GPC5: variants seen among roughly 807,000 people sequenced by gnomAD.
The protein encoded by GPC5 is glypican-5.
A neutral mutation model predicts 53.9 loss-of-function variants in GPC5; 47 were observed. The ratio of observed to expected loss-of-function variants is 0.87; its 90% confidence interval spans 0.69 to 1.11. The LOEUF (loss-of-function observed/expected upper bound fraction) is 1.11. GPC5 is among the 50% of genes most tolerant of loss of function. The pLI is 0.00. For synonymous variants in GPC5, 286 were observed against 263.3 expected (o/e 1.09, Z -0.84); for missense variants, 748 against 713.1 (o/e 1.05, Z -0.56).
At chr13:92,081,909 A>G (rs1276812208) in intron 6 of GPC5, among the ~76,000 whole-genome samples, 1 of 152,186 alleles carries the variant, frequency 6.6e-6, no homozygotes, top group East Asian at 1.9e-4. Context: ...CATGAACATA[A>G]TAGTGTAAAA....
intron 2 of GPC5, among the ~76,000 whole-genome samples, chr13:91,473,612 T>G (rs1026313916): frequency 6.6e-6 from 1 of 152,134 alleles, no homozygotes; most frequent in African/African-American, 2.4e-5. Context: ...TTTATCTCCT[T>G]CTCAGGTGAT....
chr13:92,125,524 G>T (rs187163251), intron 6 of GPC5, among the ~76,000 whole-genome samples: 1 of 152,192 alleles, frequency 6.6e-6, no homozygotes, highest in African/African-American at 2.4e-5. Context: ...GATTTTATAG[G>T]ATCTACCAAT....
chr13:92,419,407 TG>T (rs1396584694), intron 7 of GPC5, among the ~76,000 whole-genome samples: 1 of 152,070 alleles, frequency 6.6e-6, no homozygotes, highest in East Asian at 1.9e-4. Flanking sequence ...CTTTGTAGAG[TG>T]GGAAAAGGTA....
intron 7 of GPC5, among the ~76,000 whole-genome samples, chr13:92,683,819 C>G (rs1313450747): frequency 6.6e-6 from 1 of 152,076 alleles, no homozygotes; most frequent in Non-Finnish European, 1.5e-5. Flanking sequence ...CTCTCTCACT[C>G]CACCCCCATT....
intron 7 of GPC5, among the ~76,000 whole-genome samples, chr13:92,813,989 A>T (rs1566429711): frequency 6.6e-6 from 1 of 152,018 alleles, no homozygotes; most frequent in Non-Finnish European, 1.5e-5. Context: ...ACTTTGTGAA[A>T]GAGACAGCCA....
At chr13:91,465,577 T>G (rs1882184438) in intron 2 of GPC5, among the ~76,000 whole-genome samples, 1 of 152,190 alleles carries the variant, frequency 6.6e-6, no homozygotes, top group South Asian at 2.1e-4. Context: ...GACTATAATA[T>G]AGTTTGAAAA....
At chr13:92,235,010 A>C (rs1310862997) in intron 7 of GPC5, among the ~76,000 whole-genome samples, 2 of 152,208 alleles carry the variant, frequency 1.3e-5, no homozygotes, top group Non-Finnish European at 2.9e-5. Flanking sequence ...TATATGAAAA[A>C]GTTTTAGGTC....
chr13:92,552,632 C>A (rs1882357074), intron 7 of GPC5, among the ~76,000 whole-genome samples: 1 of 151,860 alleles, frequency 6.6e-6, no homozygotes, highest in South Asian at 2.1e-4. Flanking sequence ...TCTTTCATTT[C>A]CATGCTCTGC....
rs550483463 is a variant in GPC5 at position 91,989,830 on chromosome 13, G to C, written c.1401+81773G>C. Among the ~76,000 whole-genome samples, 11 of 126,122 alleles carry C rather than the reference G, an allele frequency of 8.7e-5. No individual in the cohort carries two copies. The East Asian group carries it at 2.7e-3, about 31-fold the overall frequency. The allele number at this position is 126,122 out of a possible 152,430, so 82.7% of individuals were successfully genotyped here. A position where few individuals can be genotyped will look rare whatever the true frequency, so the allele number is the denominator to read the frequency against. On this transcript the variant is annotated intron_variant, in intron 6 of 7. Coordinates refer to ENST00000377067, the MANE Select transcript of GPC5 (RefSeq NM_004466.6). ...GGTGTACTTTATTAAAATAAAATTT[G>C]TATACATATTGACTATACAGTTATT...
chr13:91,542,967 C>T (rs1200752658), intron 2 of GPC5, among the ~76,000 whole-genome samples: 2 of 150,978 alleles, frequency 1.3e-5, no homozygotes, highest in African/African-American at 4.9e-5. Flanking sequence ...TGCCATTCTC[C>T]TGCCTCAGCC....
chr13:91,406,064 G>A (rs1169152544), intron 1 of GPC5, among the ~76,000 whole-genome samples: 11 of 152,164 alleles, frequency 7.2e-5, no homozygotes, highest in Non-Finnish European at 1.6e-4. Flanking sequence ...GAGCCACCAT[G>A]CCTGGCCCTA....
intron 6 of GPC5, among the ~76,000 whole-genome samples, chr13:91,931,089 C>T (rs2039817429): frequency 6.6e-6 from 1 of 152,004 alleles, no homozygotes; most frequent in African/African-American, 2.4e-5. Flanking sequence ...TTTAATCATG[C>T]CCCATCTTCC....
intron 6 of GPC5, among the ~76,000 whole-genome samples, chr13:92,100,510 C>T (rs550767936): frequency 9.9e-5 from 15 of 152,106 alleles, no homozygotes; most frequent in African/African-American, 3.4e-4. Context: ...TTGTTAAAAT[C>T]GAAACTAAAA....
intron 7 of GPC5, among the ~76,000 whole-genome samples, chr13:92,282,375 C>G (rs1468820268): frequency 6.6e-6 from 1 of 152,070 alleles, no homozygotes; most frequent in Non-Finnish European, 1.5e-5. Flanking sequence ...GGCCAACATT[C>G]AAATTCAGGA....
rs182977422 is a variant in GPC5 at position 91,570,342 on chromosome 13, A to G, written c.325+121420A>G. On this transcript the variant is annotated intron_variant, in intron 2 of 7. Transcript: ENST00000377067. ...TAAATCTGAAACTTTTTGAGCACTA[A>G]CATGACATTCAAAGGAAATGTTCCT... Among the ~76,000 whole-genome samples the G allele has an allele frequency of 1.5e-3, 231 of 152,304 alleles. 5 individuals carry two copies. The highest frequency in any genetic ancestry group is 1.2e-4 in the Non-Finnish European group (8 of 68,024).
intron 5 of GPC5, among the ~76,000 whole-genome samples, chr13:91,803,628 G>C (rs1305425796): frequency 3.3e-5 from 5 of 152,082 alleles, no homozygotes; most frequent in African/African-American, 1.2e-4. Flanking sequence ...TGGCCAATCA[G>C]AATTTTTCGT....
intron 6 of GPC5, among the ~76,000 whole-genome samples, chr13:91,937,725 G>C (rs986856638): frequency 1.1e-4 from 17 of 152,042 alleles, no homozygotes; most frequent in African/African-American, 3.9e-4. Flanking sequence ...ATTGTATATA[G>C]GTTTATTTAG....
At position 92,497,170 on chromosome 13, in the gene GPC5, G is replaced by T. The variant is rs1880010041; in HGVS notation, c.1561+352181G>T. 3.9e-5 allele frequency among the ~76,000 whole-genome samples: 6 copies of T among 152,098 alleles called. 1 individual carries two copies. In the South Asian group the frequency reaches 1.2e-3, roughly 31 times the overall value. ...TTGCTTTTGGCATTTTTGTCATGAT[G>T]TCTTTGCCAATGCCTGTGTCCTGAT... On this transcript the variant is annotated intron_variant, in intron 7 of 7. Coordinates refer to ENST00000377067, the MANE Select transcript of GPC5 (RefSeq NM_004466.6).
At chr13:91,478,797 A>ATATATATG (rs1433359491) in intron 2 of GPC5, among the ~76,000 whole-genome samples, 1,680 of 76,252 alleles carry the variant, frequency 0.022, 42 homozygotes, top group African/African-American at 0.063. Flanking sequence ...ATTTGAGTTT[A>ATATATATG]TATATATATA....
Sources: allele counts gnomAD v4.1 joint callset (sites outside exome capture counted in the v4.1 genomes callset), GRCh38; gene constraint gnomAD v4.1.1; transcripts MANE v1.5; gene names NCBI Gene and HGNC (gene_info 2026-07-23, HGNC 2026-07-21).